MPZL1: variants seen among roughly 807,000 people sequenced by gnomAD.
MPZL1 encodes myelin protein zero-like protein 1.
A neutral mutation model predicts 29.3 loss-of-function variants in MPZL1; 16 were observed. That is an observed-to-expected ratio of 0.55 (90% CI 0.37 to 0.83). MPZL1 has a LOEUF of 0.83. Ranked by LOEUF, MPZL1 falls within the 40% of genes least tolerant of loss-of-function variation. The pLI is 0.00. For missense variants in MPZL1, 279 were observed against 332.9 expected (o/e 0.84, Z 1.26); for synonymous variants, 143 against 132.0 (o/e 1.08, Z -0.57).
At chr1:167,739,312 C>CATATATATATATATATATATATATAT (rs1346286313) in intron 1 of MPZL1, among the ~76,000 whole-genome samples, 20 of 82,056 alleles carry the variant, frequency 2.4e-4, no homozygotes, top group African/African-American at 1.0e-3. Flanking sequence ...TATATATACA[C>CATATATATATATATATATATATATAT]ATATATATAT....
chr1:167,734,032 G>A (rs778449350), intron 1 of MPZL1, among the ~76,000 whole-genome samples: 7 of 152,032 alleles, frequency 4.6e-5, no homozygotes, highest in African/African-American at 9.7e-5. Context: ...CAAGGCGGAC[G>A]GATCATGAGG....
At chr1:167,752,194 T>C (rs1417159201) in intron 1 of MPZL1, among the ~76,000 whole-genome samples, 1 of 152,250 alleles carries the variant, frequency 6.6e-6, no homozygotes, top group Non-Finnish European at 1.5e-5. Flanking sequence ...TTGAGTCTTC[T>C]CAGTATACCA....
rs111582693 is a variant in MPZL1, at chr1:167,725,276, A to C, written c.91+3034A>C. ...GCCTATATTACTGTGATAGCCTCCC[A>C]GCTGCTCTTCCTCTTTTTCCCCCTC... On this transcript the variant is annotated intron_variant, in intron 1 of 5. Transcript: ENST00000359523. Among the ~76,000 whole-genome samples the C allele has an allele frequency of 2.8e-3, 433 of 152,144 alleles. 1 individual carries two copies. Among genetic ancestry groups the C allele is most frequent in the African/African-American group, 9.6e-3 (397 of 41,514 alleles).
intron 1 of MPZL1, among the ~76,000 whole-genome samples, chr1:167,733,734 ACT>A (rs1311985726): frequency 4.0e-5 from 6 of 148,630 alleles, no homozygotes; most frequent in Non-Finnish European, 7.4e-5. Context: ...ACAGAGTGAG[ACT>A]CTGTCAAAAA....
intron 5 of MPZL1, among the ~76,000 whole-genome samples, chr1:167,785,172 G>A (rs1299291237): frequency 6.6e-6 from 1 of 152,234 alleles, no homozygotes; most frequent in Non-Finnish European, 1.5e-5. Flanking sequence ...GTCTGGATGA[G>A]CTCAGCTGAT....
Position 167,788,251 on chromosome 1 carries a change from G to A in MPZL1, c.*330G>A, listed in dbSNP as rs1286750351. 7.8e-6 allele frequency: 2 copies of A among 256,070 alleles called. No individual in the cohort carries two copies. Among genetic ancestry groups the A allele is most frequent in the Non-Finnish European group, 1.5e-5 (2 of 130,038 alleles). 15.9% of individuals were successfully genotyped at this position (256,070 alleles called of 1,614,324 possible). ...TTTCACCATCATTTAGAAATGGTTT[G>A]CCTTAATGGAGACAATAGCAGATCC... On this transcript the variant is annotated 3_prime_UTR_variant, in exon 6 of 6. Transcript: ENST00000359523.
chr1:167,751,050 G>T (rs1308219094), intron 1 of MPZL1, among the ~76,000 whole-genome samples: 1 of 152,200 alleles, frequency 6.6e-6, no homozygotes, highest in Non-Finnish European at 1.5e-5. Context: ...GGAGAAAGGT[G>T]CTGCTTATTT....
At chr1:167,783,338 A>AT (rs34229525) in intron 5 of MPZL1, among the ~76,000 whole-genome samples, 10 of 151,752 alleles carry the variant, frequency 6.6e-5, no homozygotes, top group African/African-American at 2.2e-4. Flanking sequence ...AAATAAGAAA[A>AT]TTTTTTTTCT....
chr1:167,731,708 G>A (rs1273704487), intron 1 of MPZL1, among the ~76,000 whole-genome samples: 1 of 151,544 alleles, frequency 6.6e-6, no homozygotes, highest in Non-Finnish European at 1.5e-5. Context: ...AAACTGCTGG[G>A]ATTACAGGCG....
rs534413003 is a variant in MPZL1 at position 167,772,657 on chromosome 1, G to A, written c.472+169G>A. ...CTCTACCAAACACACTTGGAGCTGGGAAACTTGTTGCTCATTCTGACCCAG... is the reference window on the plus strand; with the variant it reads ...CTCTACCAAACACACTTGGAGCTGGAAAACTTGTTGCTCATTCTGACCCAG... On this transcript the variant is annotated intron_variant, in intron 3 of 5. Transcript: ENST00000359523. Among the ~76,000 whole-genome samples the A allele has an allele frequency of 3.3e-5, 5 of 152,266 alleles. No individual in the cohort carries two copies. The South Asian group carries it at 1.0e-3, about 32-fold the overall frequency.
At chr1:167,739,291 A>ATATATATATATATATATG (rs1660460413) in intron 1 of MPZL1, among the ~76,000 whole-genome samples, 1 of 111,688 alleles carries the variant, frequency 9.0e-6, no homozygotes, top group East Asian at 2.2e-4. Context: ...ACATATATAT[A>ATATATATATATATATATG]TATATATATA....
intron 1 of MPZL1, among the ~76,000 whole-genome samples, chr1:167,751,210 C>G (rs1660748422): frequency 1.3e-5 from 2 of 152,128 alleles, no homozygotes; most frequent in South Asian, 4.1e-4. Flanking sequence ...CATGTTTCTC[C>G]TTAAACTTTC....
At chr1:167,739,282 C>CACATATATATATATATATACATAT (rs1553254286) in intron 1 of MPZL1, among the ~76,000 whole-genome samples, 22 of 90,396 alleles carry the variant, frequency 2.4e-4, no homozygotes, top group African/African-American at 1.3e-3. Flanking sequence ...TACATATATA[C>CACATATATATATATATATACATAT]ATATATATAT....
chr1:167,767,805 T>TTA (rs1377032255), intron 2 of MPZL1, among the ~76,000 whole-genome samples: 1 of 150,242 alleles, frequency 6.7e-6, no homozygotes, highest in Non-Finnish European at 1.5e-5. Flanking sequence ...TTTTTTTTTT[T>TTA]TTTTTTTTTT....
At chr1:167,723,962 T>C (rs1421671570) in intron 1 of MPZL1, among the ~76,000 whole-genome samples, 2 of 152,162 alleles carry the variant, frequency 1.3e-5, no homozygotes, top group Non-Finnish European at 2.9e-5. Context: ...TGCTTAACAC[T>C]TAAAAGGTGG....
chr1:167,764,632 A>T (rs1407280783), intron 1 of MPZL1, among the ~76,000 whole-genome samples: 1 of 152,228 alleles, frequency 6.6e-6, no homozygotes, highest in Non-Finnish European at 1.5e-5. Flanking sequence ...ATGATGAGAA[A>T]AGTTCAGTGT....
chr1:167,737,917 TTTTGTTTG>T (rs566855772), intron 1 of MPZL1, among the ~76,000 whole-genome samples: 21 of 143,664 alleles, frequency 1.5e-4, no homozygotes, highest in Non-Finnish European at 1.9e-4. Flanking sequence ...TCTTGTGTTT[TTTTGTTTG>T]TTTGTTTGTT....
In MPZL1 at chr1:167,741,186, T is replaced by TA. The variant is rs1488915780; in HGVS notation, c.91+18944_91+18945insA. The stretch of plus-strand genomic sequence containing the variant: ...CATGTGCCACCACGCCTGGCTAATT[T>TA]TTTTTTTTTTTTTTTTTAGAGATGG... On this transcript the variant is annotated intron_variant, in intron 1 of 5. Transcript: ENST00000359523. Among the ~76,000 whole-genome samples the TA allele has an allele frequency of 1.1e-4, 16 of 148,848 alleles. No homozygotes were observed. The East Asian group carries it at 2.8e-3, about 26-fold the overall frequency.
intron 1 of MPZL1, among the ~76,000 whole-genome samples, chr1:167,763,111 A>G (rs1661021903): frequency 6.6e-6 from 1 of 151,774 alleles, no homozygotes; most frequent in Admixed American, 6.6e-5. Context: ...TTTTTGCTCA[A>G]AATTCTGTGA....
Sources: allele counts gnomAD v4.1 joint callset (sites outside exome capture counted in the v4.1 genomes callset), GRCh38; gene constraint gnomAD v4.1.1; transcripts MANE v1.5; gene names NCBI Gene and HGNC (gene_info 2026-07-23, HGNC 2026-07-21).